Variants in FHOD3 observed in about 807,000 individuals in gnomAD.
FHOD3 encodes the protein formin homology 2 domain containing 3, also known as FH1/FH2 domain-containing protein 3.
A neutral mutation model predicts 173.0 loss-of-function variants in FHOD3; 90 were observed. The ratio of observed to expected loss-of-function variants is 0.52; its 90% confidence interval spans 0.44 to 0.62. The LOEUF is 0.62. FHOD3 is among the 20% of genes least tolerant of loss of function. The pLI is 0.00. For missense variants in FHOD3, 1,945 were observed against 2,034.7 expected (o/e 0.96, Z 0.85); for synonymous variants, 828 against 823.0 (o/e 1.01, Z -0.10).
chr18:36,581,121 GA>G (rs2058834730), intron 6 of FHOD3, among the ~76,000 whole-genome samples: 1 of 152,142 alleles, frequency 6.6e-6, no homozygotes, highest in Non-Finnish European at 1.5e-5. Context: ...GCCAAATAAT[GA>G]CTTTTTAAAA....
chr18:36,708,982 C>A, intron 17 of FHOD3, 113 bp from the exon 18 acceptor site: 1 of 1,305,062 alleles, frequency 7.7e-7, no homozygotes, highest in Non-Finnish European at 1.1e-6. Flanking sequence ...TCTTGGGGGC[C>A]ATCTTTGGAC....
chr18:36,406,012 C>T (rs2049037423), intron 3 of FHOD3, among the ~76,000 whole-genome samples: 1 of 151,674 alleles, frequency 6.6e-6, no homozygotes, highest in South Asian at 2.1e-4. Flanking sequence ...GTGTCAAATT[C>T]ATTTCAGTAG....
chr18:36,624,662 CA>C (rs1175829749), intron 9 of FHOD3, among the ~76,000 whole-genome samples: 6 of 145,678 alleles, frequency 4.1e-5, no homozygotes, highest in Non-Finnish European at 9.0e-5. Context: ...GCCACCTAGA[CA>C]CAGGGCTAAA....
At chr18:36,642,410 G>A (rs186888048) in intron 10 of FHOD3, among the ~76,000 whole-genome samples, 25 of 152,038 alleles carry the variant, frequency 1.6e-4, no homozygotes, top group African/African-American at 5.8e-4. Flanking sequence ...ACGAGGTCAG[G>A]AGATCGAGAC....
intron 4 of FHOD3, among the ~76,000 whole-genome samples, chr18:36,511,108 TAAC>T (rs1030061392): frequency 1.3e-5 from 2 of 152,244 alleles, no homozygotes; most frequent in Non-Finnish European, 2.9e-5. Context: ...CCTATAATAA[TAAC>T]CTTTCATTAT....
chr18:36,574,417 C>T (rs753827767), intron 5 of FHOD3, among the ~76,000 whole-genome samples: 4 of 151,642 alleles, frequency 2.6e-5, no homozygotes, highest in Non-Finnish European at 5.9e-5. Context: ...TATAAAATGC[C>T]TTTTTTCTAT....
chr18:36,727,502 A>G (rs2041137397), intron 19 of FHOD3, among the ~76,000 whole-genome samples: 1 of 152,204 alleles, frequency 6.6e-6, no homozygotes, highest in Non-Finnish European at 1.5e-5. Flanking sequence ...TAGAGCTTGC[A>G]TAATTCCATT....
chr18:36,384,783 A>G (rs574201010), intron 3 of FHOD3, among the ~76,000 whole-genome samples: 6 of 152,232 alleles, frequency 3.9e-5, no homozygotes, highest in African/African-American at 1.4e-4. Flanking sequence ...CCTGTTTGTT[A>G]TTTATAACAG....
chr18:36,736,730 T>C (rs1430142354), intron 20 of FHOD3, among the ~76,000 whole-genome samples: 1 of 152,026 alleles, frequency 6.6e-6, no homozygotes, highest in Non-Finnish European at 1.5e-5. Flanking sequence ...GGGTACAGGA[T>C]GGGGGTGGGG....
chr18:36,547,377 A>G (rs1321820844), intron 5 of FHOD3, among the ~76,000 whole-genome samples: 3 of 152,184 alleles, frequency 2.0e-5, no homozygotes, highest in Non-Finnish European at 1.5e-5. Context: ...CTTTTTTGAA[A>G]AGTAAAACCA....
chr18:36,625,100 G>C (rs2033996305), intron 9 of FHOD3, among the ~76,000 whole-genome samples: 1 of 152,158 alleles, frequency 6.6e-6, no homozygotes, highest in African/African-American at 2.4e-5. Context: ...AAGACTGATA[G>C]GGAACCGGCC....
At chr18:36,675,598 C>T (rs565459163) in intron 14 of FHOD3, among the ~76,000 whole-genome samples, 13 of 152,288 alleles carry the variant, frequency 8.5e-5, no homozygotes, top group Admixed American at 3.3e-4. Flanking sequence ...AGGCACCCAC[C>T]CTGCATTCAC....
chr18:36,693,335 T>C lies in FHOD3; in HGVS notation c.2148T>C (p.Ala716=), dbSNP rs776990280. Reference sequence around the variant, plus strand: ...CGCCAGCAGCCCCAGCCTGCCTGGCTCCTCTGAGCCATAGCCCCTCATCTT... The same window carrying C: ...CGCCAGCAGCCCCAGCCTGCCTGGCCCCTCTGAGCCATAGCCCCTCATCTT... ...LTSPAAPACL[A]PLSHSPSSSD... Residue 716 remains alanine, a synonymous_variant, in exon 17 of 29, where the codon GCT becomes GCC. Transcript: ENST00000590592. 2 of 1,613,786 alleles carry C rather than the reference T, an allele frequency of 1.2e-6. No individual in the cohort carries two copies. Among genetic ancestry groups the C allele is most frequent in the African/African-American group, 2.7e-5 (2 of 74,922 alleles).
intron 9 of FHOD3, among the ~76,000 whole-genome samples, chr18:36,624,603 A>G (rs925371768): frequency 6.6e-6 from 1 of 152,136 alleles, no homozygotes; most frequent in African/African-American, 2.4e-5. Context: ...AGTAAGATCC[A>G]GGACAGAGTG....
At chr18:36,535,486 C>T (rs1323805080) in intron 5 of FHOD3, among the ~76,000 whole-genome samples, 3 of 152,158 alleles carry the variant, frequency 2.0e-5, no homozygotes, top group African/African-American at 7.2e-5. Context: ...AAAAGCTGGG[C>T]CACTGAGGGA....
chr18:36,756,315 CTA>C (rs1209926168), intron 25 of FHOD3, among the ~76,000 whole-genome samples: 6 of 152,060 alleles, frequency 3.9e-5, no homozygotes, highest in African/African-American at 9.7e-5. Context: ...TTGAAGGACT[CTA>C]GAGTGTGATT....
intron 16 of FHOD3, 23 bp downstream of exon 16, chr18:36,687,201 A>G (rs2038676553): frequency 6.4e-7 from 1 of 1,567,740 alleles, no homozygotes; most frequent in Non-Finnish European, 8.8e-7. Context: ...CTTCTTTCCC[A>G]TTGTAACAAA....
chr18:36,746,320 C>T (rs1412344725), intron 23 of FHOD3, among the ~76,000 whole-genome samples: 2 of 152,190 alleles, frequency 1.3e-5, no homozygotes, highest in African/African-American at 4.8e-5. Flanking sequence ...CCTGTGGGTA[C>T]AGTTAGCCTC....
intron 5 of FHOD3, among the ~76,000 whole-genome samples, chr18:36,534,661 C>T (rs1349552704): frequency 6.6e-6 from 1 of 152,138 alleles, no homozygotes; most frequent in African/African-American, 2.4e-5. Flanking sequence ...AGCCCAGCAT[C>T]TGCCTATGTA....
Sources: gnomAD v4.1 joint callset for allele counts (sites outside exome capture counted in the v4.1 genomes callset) on GRCh38, gnomAD v4.1.1 for gene constraint, MANE v1.5 for transcripts, NCBI Gene and HGNC (gene_info 2026-07-23, HGNC 2026-07-21) for gene names.